The following PRDM16 variants were observed in gnomAD, a reference collection of about 807,000 sequenced individuals.
PRDM16 encodes the protein PR/SET domain 16.
A neutral mutation model predicts 110.6 loss-of-function variants in PRDM16; 23 were observed. The observed-to-expected ratio is 0.21, with a 90% CI of 0.15 to 0.29. PRDM16 has a LOEUF of 0.29. Ranked by LOEUF, PRDM16 falls within the 10% of genes least tolerant of loss-of-function variation. The pLI is 1.00. For missense variants in PRDM16, 1,615 were observed against 1,794.3 expected, an observed-to-expected ratio of 0.90 and a Z score of 1.81; for synonymous variants, 799 against 781.8, an observed-to-expected ratio of 1.02 and a Z score of -0.37.
At chr1:3,114,871 G>C (rs1642919976) in intron 1 of PRDM16, among the ~76,000 whole-genome samples, 1 of 152,282 alleles carries the variant, frequency 6.6e-6, no homozygotes. Flanking sequence ...AGGGGAGGAA[G>C]AGGCCCTGGC....
At chr1:3,132,696 C>T (rs1643358916) in intron 1 of PRDM16, among the ~76,000 whole-genome samples, 1 of 152,200 alleles carries the variant, frequency 6.6e-6, no homozygotes, top group Non-Finnish European at 1.5e-5. Context: ...CTCTGCCTCC[C>T]AAGAGAGAGT....
chr1:3,431,260 G>A lies in PRDM16; in HGVS notation c.3521+152G>A, dbSNP rs549024585. 62 of 1,320,142 alleles carry A rather than the reference G, an allele frequency of 4.7e-5. No individual in the cohort carries two copies. In the African/African-American group the frequency reaches 7.6e-4, roughly 16 times the overall value. The allele number at this position is 1,320,142 out of a possible 1,614,324, so 81.8% of individuals were successfully genotyped here. ...CTCAGGGCCTCCACACACAGGCCAGGGCAAGGCTGGGCCAGGGGCAACGGG... is the reference window on the plus strand; with the variant it reads ...CTCAGGGCCTCCACACACAGGCCAGAGCAAGGCTGGGCCAGGGGCAACGGG... On this transcript the variant is annotated intron_variant, in intron 15 of 16. Transcript: ENST00000270722.
At chr1:3,109,423 G>A (rs184169238) in intron 1 of PRDM16, among the ~76,000 whole-genome samples, 5 of 152,112 alleles carry the variant, frequency 3.3e-5, no homozygotes, top group African/African-American at 4.8e-5. Context: ...TGCAGGCTGA[G>A]GCTCTCTCTC....
intron 1 of PRDM16, among the ~76,000 whole-genome samples, chr1:3,166,615 C>G (rs1643960138): frequency 6.6e-6 from 1 of 152,234 alleles, no homozygotes; most frequent in Admixed American, 6.5e-5. Context: ...TAACCGCAGC[C>G]TCTTCTCATC....
At chr1:3,180,864 G>GCA (rs1644143645) in intron 1 of PRDM16, among the ~76,000 whole-genome samples, 1 of 148,654 alleles carries the variant, frequency 6.7e-6, no homozygotes, top group Admixed American at 6.9e-5. Context: ...TCTTACGCAC[G>GCA]GCCTTACACA....
At chr1:3,181,004 ACGCG>A (rs1644151355) in intron 1 of PRDM16, among the ~76,000 whole-genome samples, 3 of 144,040 alleles carry the variant, frequency 2.1e-5, no homozygotes, top group Non-Finnish European at 1.6e-5. Flanking sequence ...ACGATCTTAC[ACGCG>A]GTCTTACAAA....
chr1:3,398,360 T>G (rs1643417753), intron 5 of PRDM16, among the ~76,000 whole-genome samples: 2 of 152,156 alleles, frequency 1.3e-5, no homozygotes, highest in East Asian at 3.8e-4. Flanking sequence ...ACATCAAATA[T>G]TTGACTTTCC....
chr1:3,426,210 C>T lies in PRDM16; in HGVS notation c.3269C>T (p.Thr1090Met), dbSNP rs760088040. 37 of 1,613,206 alleles carry T rather than the reference C, an allele frequency of 2.3e-5. No homozygotes were observed. The highest frequency in any genetic ancestry group is 6.7e-5 in the African/African-American group (5 of 74,864). ...IANSEMNQAS[T>M]RTEKRADMQI... is the part of the protein sequence containing the mutation. ...AATAGTGAGATGAACCAAGCATCAA[C>T]GCGAACAGAGAAACGGTAAGAAAAC... The change falls in exon 14 of 17, where the codon ACG (threonine) becomes ATG (methionine). Residue 1090 changes from threonine to methionine, a missense_variant. Physicochemically the swap from Thr to Met is moderately conservative, Grantham distance 81 (BLOSUM62 -1). This residue lies in a region of PRDM16 where 327 missense variants were observed against 359.3 expected (regional missense o/e 0.91). Transcript: ENST00000270722.
intron 1 of PRDM16, among the ~76,000 whole-genome samples, chr1:3,106,995 G>C (rs1171994348): frequency 6.6e-6 from 1 of 152,252 alleles, no homozygotes; most frequent in African/African-American, 2.4e-5. Flanking sequence ...CCAGAGGCCA[G>C]GATGGCAGCA....
At chr1:3,386,013 C>T (rs1643189489) in intron 4 of PRDM16, among the ~76,000 whole-genome samples, 1 of 152,196 alleles carries the variant, frequency 6.6e-6, no homozygotes, top group Non-Finnish European at 1.5e-5. Flanking sequence ...ACCGTGTCCC[C>T]AGAGCTGGTC....
At chr1:3,107,685 C>T (rs1642689293) in intron 1 of PRDM16, among the ~76,000 whole-genome samples, 1 of 152,164 alleles carries the variant, frequency 6.6e-6, no homozygotes, top group Non-Finnish European at 1.5e-5. Flanking sequence ...CTTTTGTCCT[C>T]CTCACTGGAC....
At chr1:3,365,338 G>T (rs991023786) in intron 3 of PRDM16, among the ~76,000 whole-genome samples, 2 of 152,230 alleles carry the variant, frequency 1.3e-5, no homozygotes, top group Admixed American at 1.3e-4. Context: ...CCACCCCTGG[G>T]CTGGGGGCTG....
chr1:3,179,337 C>A (rs1028342867), intron 1 of PRDM16, among the ~76,000 whole-genome samples: 1 of 152,234 alleles, frequency 6.6e-6, no homozygotes, highest in Non-Finnish European at 1.5e-5. Context: ...AGCGTGGACT[C>A]AGGAGTGGGT....
At chr1:3,149,155 G>T (rs895861311) in intron 1 of PRDM16, among the ~76,000 whole-genome samples, 4 of 152,328 alleles carry the variant, frequency 2.6e-5, no homozygotes, top group Admixed American at 6.5e-5. Context: ...CAAGCCTGGG[G>T]GTGGGGGGCA....
chr1:3,085,508 A>G (rs2981884), intron 1 of PRDM16, among the ~76,000 whole-genome samples: 4,958 of 152,310 alleles, frequency 0.033, 261 homozygotes, highest in African/African-American at 0.11. Flanking sequence ...GCTTTGGCTC[A>G]GGCCAACTTG....
intron 2 of PRDM16, among the ~76,000 whole-genome samples, chr1:3,218,611 C>T (rs2651906): frequency 0.038 from 5,854 of 152,336 alleles, 227 homozygotes; most frequent in East Asian, 0.12. Flanking sequence ...GGGATGTTCT[C>T]TGCCTTCCTT....
intron 1 of PRDM16, chr1:3,128,006 A>G (rs1476060361): frequency 6.5e-6 from 1 of 154,842 alleles, no homozygotes; most frequent in Non-Finnish European, 1.5e-5. Context: ...TTAGTGGCCA[A>G]TTCCTGAGAA....
Position 3,433,981 on chromosome 1 carries a change from T to A in PRDM16, c.*170T>A. The A allele has an allele frequency of 1.5e-6, 1 of 678,786 alleles. No homozygotes were observed. The highest frequency in any genetic ancestry group is 2.4e-6 in the Non-Finnish European group (1 of 410,064). The allele number at this position is 678,786 out of a possible 1,614,324, so 42.0% of individuals were successfully genotyped here. ...CCAATGGAAACTCAGATCCCAAAAG[T>A]CCCTAAAGCAGTCGTAGAGTCTCAC... On this transcript the variant is annotated 3_prime_UTR_variant, in exon 17 of 17. Coordinates refer to ENST00000270722, the MANE Select transcript of PRDM16 (RefSeq NM_022114.4).
intron 3 of PRDM16, among the ~76,000 whole-genome samples, chr1:3,375,328 G>A (rs191507941): frequency 2.0e-5 from 3 of 152,308 alleles, no homozygotes; most frequent in Non-Finnish European, 1.5e-5. Flanking sequence ...CTCTTTCCAC[G>A]CACTGCCAAT....
Sources: gnomAD v4.1 joint callset for allele counts (sites outside exome capture counted in the v4.1 genomes callset) on GRCh38, gnomAD v4.1.1 for gene constraint, gnomAD v4.1.1 regional missense constraint, MANE v1.5 for transcripts, NCBI Gene and HGNC (gene_info 2026-07-23, HGNC 2026-07-21) for gene names.